IFI44L: variants seen among roughly 807,000 people sequenced by gnomAD.
IFI44L encodes interferon-induced protein 44-like.
A neutral mutation model predicts 39.3 loss-of-function variants in IFI44L; 40 were observed. That is an observed-to-expected ratio of 1.02 (90% confidence interval 0.79 to 1.33). IFI44L has a LOEUF of 1.33. Ranked by LOEUF, IFI44L falls within the 40% of genes most tolerant of loss-of-function variation. The pLI is 0.00. For synonymous variants in IFI44L, 198 were observed against 182.3 expected (o/e 1.09, Z -0.69); for missense variants, 623 against 549.0 (o/e 1.13, Z -1.35).
rs1295023037 is a variant in IFI44L at position 78,646,133 on chromosome 1, A to G, written c.*4324A>G. 3 of 152,234 alleles carry G rather than the reference A, an allele frequency of 2.0e-5. No individual in the cohort carries two copies. Among genetic ancestry groups the G allele is most frequent in the Non-Finnish European group, 4.4e-5 (3 of 68,038 alleles). 9.4% of individuals were successfully genotyped at this position (152,234 alleles called of 1,614,324 possible). A position where few individuals can be genotyped will look rare whatever the true frequency, so the allele number is the denominator to read the frequency against. ...CACATTTTTAAAATAAATGCAAAGA[A>G]GCATACATCCAAGCCACTGAGCTCA... On this transcript the variant is annotated 3_prime_UTR_variant, in exon 9 of 9. Transcript: ENST00000370751.
In IFI44L at chr1:78,644,368, G is replaced by A. The variant is rs1293437174; in HGVS notation, c.*2559G>A. 2.6e-5 allele frequency: 4 copies of A among 152,188 alleles called. No individual in the cohort carries two copies. The highest frequency in any genetic ancestry group is 4.8e-5 in the African/African-American group (2 of 41,442). The allele number at this position is 152,188 out of a possible 1,614,324, so 9.4% of individuals were successfully genotyped here. A position where few individuals can be genotyped will look rare whatever the true frequency, so the allele number is the denominator to read the frequency against. On this transcript the variant is annotated 3_prime_UTR_variant, in exon 9 of 9. Coordinates refer to ENST00000370751, the MANE Select transcript of IFI44L (RefSeq NM_006820.4). ...CCCAACATCCTTTAGGAGCATAAAT[G>A]TTGACACTAAGTTATCCCTTTTGTG...
intron 4 of IFI44L, among the ~76,000 whole-genome samples, chr1:78,632,038 G>A (rs1652767647): frequency 6.6e-6 from 1 of 152,088 alleles, no homozygotes; most frequent in Non-Finnish European, 1.5e-5. Flanking sequence ...GTGATAAAAT[G>A]GGAAGTGCTC....
At position 78,644,567 on chromosome 1, in the gene IFI44L, T is replaced by G. The variant is rs1647026301; in HGVS notation, c.*2758T>G. 1 of 152,140 alleles carries G rather than the reference T, an allele frequency of 6.6e-6. No individual in the cohort carries two copies. 9.4% of individuals were successfully genotyped at this position (152,140 alleles called of 1,614,324 possible). On this transcript the variant is annotated 3_prime_UTR_variant, in exon 9 of 9. Transcript: ENST00000370751. ...GAAACATCTTTTGTCTGGGAGGATA[T>G]TTTCCATTTTGTGGATTTCCCTGAT...
chr1:78,628,490 GA>G, intron 2 of IFI44L, 97 bp downstream of exon 2: 1 of 737,184 alleles, frequency 1.4e-6, no homozygotes, highest in Non-Finnish European at 2.3e-6. Context: ...AAAGTGAAAG[GA>G]ACAGTTAGAT....
intron 1 of IFI44L, chr1:78,626,465 G>C (rs1652490795): frequency 6.6e-6 from 1 of 151,994 alleles, no homozygotes; most frequent in Non-Finnish European, 1.5e-5. Flanking sequence ...TGATGAATGA[G>C]AGTCACTGAA....
Position 78,635,427 on chromosome 1 carries a change from G to A in IFI44L, c.814G>A (p.Ala272Thr), listed in dbSNP as rs575130272. Residue 272 changes from alanine (A) to threonine (T), a missense_variant, in exon 5 of 9, where the codon GCA (alanine) becomes ACA (threonine). By Grantham distance (58) the Ala-to-Thr change is moderately conservative. Transcript: ENST00000370751. ...DTMGLDGAEG[A>T]GLCMDDIPHI... Reference sequence around the variant, plus strand: ...TATGGGGCTAGATGGGGCAGAAGGAGCAGGACTGTGCATGGATGACATTCC... The same window carrying A: ...TATGGGGCTAGATGGGGCAGAAGGAACAGGACTGTGCATGGATGACATTCC... 404 of 1,613,660 alleles carry A rather than the reference G, an allele frequency of 2.5e-4. 5 individuals are homozygous for A. In the South Asian group the frequency reaches 4.2e-3, roughly 17 times the overall value.
In IFI44L at chr1:78,645,050, G is replaced by T. The variant is rs980429233; in HGVS notation, c.*3241G>T. ...AGTCTTGCTTCCTGTGTGCCACACT[G>T]CCCCTCCACAACCATAGCTGGGGGC... On this transcript the variant is annotated 3_prime_UTR_variant, in exon 9 of 9. Transcript: ENST00000370751. 2 of 152,160 alleles carry T rather than the reference G, an allele frequency of 1.3e-5. No homozygotes were observed. Among genetic ancestry groups the T allele is most frequent in the African/African-American group, 4.8e-5 (2 of 41,428 alleles). The allele number at this position is 152,160 out of a possible 1,614,324, so 9.4% of individuals were successfully genotyped here. A position where few individuals can be genotyped will look rare whatever the true frequency, so the allele number is the denominator to read the frequency against.
At chr1:78,635,224 AC>A in intron 4 of IFI44L, 112 bp from the exon 5 acceptor site, 1 of 811,354 alleles carries the variant, frequency 1.2e-6, no homozygotes, top group Non-Finnish European at 1.9e-6. Context: ...CTGAGACCAA[AC>A]TGTTTGAGGA....
chr1:78,629,950 T>C, intron 4 of IFI44L, 35 bp downstream of exon 4: 16 of 1,536,134 alleles, frequency 1.0e-5, no homozygotes, highest in Non-Finnish European at 1.3e-5. Flanking sequence ...ATTTTATAGA[T>C]TACAATTATT....
At chr1:78,636,815 C>T in intron 5 of IFI44L, 9 of 432,242 alleles carry the variant, frequency 2.1e-5, no homozygotes, top group South Asian at 9.8e-5. Context: ...TCATTTTTAC[C>T]AAAGCAATAA....
intron 6 of IFI44L, 59 bp downstream of exon 6, chr1:78,637,262 A>C (rs1339508789): frequency 4.6e-6 from 6 of 1,292,816 alleles, no homozygotes; most frequent in Non-Finnish European, 5.4e-6. Context: ...ATTTGTAGGA[A>C]GTTGCAAAGA....
intron 6 of IFI44L, among the ~76,000 whole-genome samples, chr1:78,638,070 T>G (rs1040409793): frequency 7.9e-5 from 12 of 152,160 alleles, no homozygotes; most frequent in Admixed American, 3.3e-4. Flanking sequence ...ATGAGAGATC[T>G]ATTTTTTCTG....
In IFI44L at chr1:78,645,004, G is replaced by A. The variant is rs777124329; in HGVS notation, c.*3195G>A. On this transcript the variant is annotated 3_prime_UTR_variant, in exon 9 of 9. Transcript: ENST00000370751. The stretch of plus-strand genomic sequence containing the variant: ...GTTCTATGAGGTATGCAGGCCCAGA[G>A]AGACATAAGTATGTTCCTTTAGTCT... The A allele has an allele frequency of 1.2e-4, 19 of 152,260 alleles. 1 individual carries two copies. The highest frequency in any genetic ancestry group is 7.9e-4 in the Admixed American group (12 of 15,286). 9.4% of individuals were successfully genotyped at this position (152,260 alleles called of 1,614,324 possible).
intron 4 of IFI44L, 134 bp from the exon 5 acceptor site, chr1:78,635,203 C>T (rs1467539333): frequency 8.0e-6 from 5 of 626,988 alleles, no homozygotes; most frequent in African/African-American, 5.6e-5. Flanking sequence ...TTTTAAGAGT[C>T]TAAAGGGGTC....
Position 78,622,583 on chromosome 1 carries a change from G to A in IFI44L, c.-11+2012G>A, listed in dbSNP as rs150260506. ...GTATAATCCCCCCTTGTCTGTGGATGGAAACTGTGACTTAACGGTAACAAA... is the reference window on the plus strand; with the variant it reads ...GTATAATCCCCCCTTGTCTGTGGATAGAAACTGTGACTTAACGGTAACAAA... On this transcript the variant is annotated intron_variant, in intron 1 of 8. Transcript: ENST00000370751. Among the ~76,000 whole-genome samples the A allele has an allele frequency of 3.9e-5, 6 of 152,058 alleles. No individual in the cohort carries two copies. The East Asian group carries it at 1.2e-3, about 29-fold the overall frequency.
At chr1:78,624,362 T>G (rs771418368) in intron 1 of IFI44L, among the ~76,000 whole-genome samples, 2 of 152,200 alleles carry the variant, frequency 1.3e-5, no homozygotes, top group African/African-American at 2.4e-5. Flanking sequence ...AGGGTGTAGT[T>G]TAATTCTCAC....
In IFI44L at chr1:78,628,080, C is replaced by T. The variant is rs1488564775; in HGVS notation, c.165C>T (p.Tyr55=). The change falls in exon 2 of 9, where the codon TAC becomes TAT. Residue 55 remains tyrosine, a synonymous_variant. Transcript: ENST00000370751. ...SRQGCTITMA[Y]IDYNMIVAFM... ...AGGGATGTACTATAACAATGGCTTACATTGATTACAATATGATTGTAGCCT... is the reference window on the plus strand; with the variant it reads ...AGGGATGTACTATAACAATGGCTTATATTGATTACAATATGATTGTAGCCT... 1 of 1,613,116 alleles carries T rather than the reference C, an allele frequency of 6.2e-7. No individual in the cohort carries two copies. Among genetic ancestry groups the T allele is most frequent in the Admixed American group, 1.7e-5 (1 of 59,890 alleles).
intron 3 of IFI44L, among the ~76,000 whole-genome samples, 180 bp downstream of exon 3, chr1:78,629,179 T>C: frequency 6.6e-6 from 1 of 152,290 alleles, no homozygotes; most frequent in East Asian, 1.9e-4. Flanking sequence ...AATATCCACC[T>C]GATGACATTG....
At position 78,628,209 on chromosome 1, in the gene IFI44L, TTTACTC is replaced by T. The variant is rs1412306069; in HGVS notation, c.298_303del (p.Leu100_Leu101del). 1 of 1,612,816 alleles carries T rather than the reference TTTACTC, an allele frequency of 6.2e-7. No individual in the cohort carries two copies. The highest frequency in any genetic ancestry group is 1.3e-5 in the African/African-American group (1 of 74,864). Reference sequence around the variant, plus strand: ...AAAATGACACCACTGAAATAGAAACTTTACTCTTAAATACAGCACCAAAAATTATTG... The same window carrying T: ...AAAATGACACCACTGAAATAGAAACTTTAAATACAGCACCAAAAATTATTG... On this transcript the variant is annotated inframe_deletion, in exon 2 of 9. Transcript: ENST00000370751.
Sources: gnomAD v4.1 joint callset for allele counts (sites outside exome capture counted in the v4.1 genomes callset) on GRCh38, gnomAD v4.1.1 for gene constraint, MANE v1.5 for transcripts, NCBI Gene and HGNC (gene_info 2026-07-23, HGNC 2026-07-21) for gene names.